Variants in FHIP2A observed in about 807,000 individuals in gnomAD.
The protein encoded by FHIP2A is family with sequence similarity 160 member B1.
In FHIP2A, 46 loss-of-function variants were observed where a neutral mutation model predicts 93.5. The observed-to-expected ratio is 0.49, with a 90% confidence interval of 0.39 to 0.63. The LOEUF is 0.63. Among genes scored for constraint, FHIP2A ranks in the 20% least tolerant of loss-of-function variants. The probability of loss-of-function intolerance (pLI) is 0.00; values close to 1 mark genes in which losing one functional copy is unlikely to be tolerated. For missense variants in FHIP2A, 769 were observed against 909.7 expected, an observed-to-expected ratio of 0.85 and a Z score of 1.99; for synonymous variants, 332 against 326.5, an observed-to-expected ratio of 1.02 and a Z score of -0.18.
Position 114,830,899 on chromosome 10 carries a change from G to A in FHIP2A, c.93G>A (p.Lys31=), listed in dbSNP as rs1380161558. The A allele has an allele frequency of 6.2e-7, 1 of 1,609,532 alleles. No homozygotes were observed. The highest frequency in any genetic ancestry group is 8.5e-7 in the Non-Finnish European group (1 of 1,177,526). The change falls in exon 2 of 17, where the codon AAG becomes AAA. Residue 31 remains lysine, a synonymous_variant. Transcript: ENST00000369248. ...AAGAAGATTTTGTTTATCACTGGAA[G>A]GCAATTACCCATTACTACATAGAGA... ...PLQEDFVYHW[K]AITHYYIETS...
rs972664138 is a variant in FHIP2A, at chr10:114,863,249, G to C, written c.*1709G>C. ...ATGATGTGAAGGCATTCAGTTTGCT[G>C]TATTTTTTTAATCACTTCATACAAG... On this transcript the variant is annotated 3_prime_UTR_variant, in exon 17 of 17. Coordinates refer to ENST00000369248, the MANE Select transcript of FHIP2A (RefSeq NM_020940.4). 10 of 960,556 alleles carry C rather than the reference G, an allele frequency of 1.0e-5. No homozygotes were observed. Among genetic ancestry groups the C allele is most frequent in the Non-Finnish European group, 1.1e-5 (9 of 813,150 alleles). The allele number at this position is 960,556 out of a possible 1,614,324, so 59.5% of individuals were successfully genotyped here.
chr10:114,834,408 T>C (rs916566253), intron 3 of FHIP2A, among the ~76,000 whole-genome samples: 3 of 152,232 alleles, frequency 2.0e-5, no homozygotes, highest in African/African-American at 7.2e-5. Context: ...GTCTAGTAAA[T>C]TTATTTTAAT....
chr10:114,835,160 T>C (rs866194413), intron 3 of FHIP2A, among the ~76,000 whole-genome samples: 7 of 152,146 alleles, frequency 4.6e-5, no homozygotes, highest in Admixed American at 6.6e-5. Context: ...AGTAACAAGA[T>C]TTTGCCTTTG....
chr10:114,846,969 C>A, intron 11 of FHIP2A, 121 bp from the exon 12 acceptor site: 1 of 939,494 alleles, frequency 1.1e-6, no homozygotes, highest in Non-Finnish European at 1.6e-6. Flanking sequence ...ATACATAATT[C>A]CTTAATCCTT....
intron 16 of FHIP2A, among the ~76,000 whole-genome samples, chr10:114,882,637 C>T (rs2083922670): frequency 1.3e-5 from 2 of 152,102 alleles, no homozygotes; most frequent in Non-Finnish European, 2.9e-5. Context: ...CTTTGGGAGG[C>T]CAAGGCAGGC....
At chr10:114,822,407 C>T (rs1592009733) in intron 1 of FHIP2A, among the ~76,000 whole-genome samples, 1 of 152,020 alleles carries the variant, frequency 6.6e-6, no homozygotes, top group African/African-American at 2.4e-5. Context: ...GAGGACCTGG[C>T]CGCCCAACGC....
chr10:114,827,536 G>A (rs1011395923), intron 1 of FHIP2A, among the ~76,000 whole-genome samples: 2 of 152,120 alleles, frequency 1.3e-5, no homozygotes, highest in Non-Finnish European at 2.9e-5. Context: ...GGTGGCTCAC[G>A]CCTGTAATCC....
In FHIP2A at chr10:114,863,706, T is replaced by C; in HGVS notation, c.*2166T>C. On this transcript the variant is annotated 3_prime_UTR_variant, in exon 17 of 17. Coordinates refer to ENST00000369248, the MANE Select transcript of FHIP2A (RefSeq NM_020940.4). ...TGAGTTCAATTTGTTAGTGAAACAT[T>C]GTACTGCATCACCAGTTTTTCTTAC... 1 of 1,301,316 alleles carries C rather than the reference T, an allele frequency of 7.7e-7. No homozygotes were observed. The allele number at this position is 1,301,316 out of a possible 1,614,324, so 80.6% of individuals were successfully genotyped here.
downstream of FHIP2A, among the ~76,000 whole-genome samples, chr10:114,868,643 AC>A (rs2083842608): frequency 6.6e-6 from 1 of 152,112 alleles, no homozygotes; most frequent in South Asian, 2.1e-4. Flanking sequence ...TGAAGGTAAA[AC>A]CCCTAGCAGA....
intron 5 of FHIP2A, among the ~76,000 whole-genome samples, 181 bp from the exon 6 acceptor site, chr10:114,842,752 A>G (rs1175147327): frequency 3.3e-5 from 5 of 152,178 alleles, no homozygotes; most frequent in South Asian, 2.1e-4. Flanking sequence ...ATAAACTCCT[A>G]TGCAATGGTA....
rs1453661467 is a variant in FHIP2A, at chr10:114,843,162, C to T, written c.752C>T (p.Ser251Leu). Residue 251 changes from serine (S) to leucine (L), a missense_variant, in exon 6 of 17, where the codon TCG becomes TTG. Physicochemically the swap from Ser to Leu is moderately radical, Grantham distance 145. Coordinates refer to ENST00000369248, the MANE Select transcript of FHIP2A (RefSeq NM_020940.4). The stretch of plus-strand genomic sequence containing the variant: ...AGTGTCACCTCACTGCCAGAGGCCT[C>T]GGTTGTTTGTCCAAATCAGGATTAC... ...NLSVTSLPEASVVCPNQDYNL... is the reference protein window; with the variant it reads ...NLSVTSLPEALVVCPNQDYNL... The T allele has an allele frequency of 8.7e-6, 14 of 1,613,688 alleles. No individual in the cohort carries two copies. Among genetic ancestry groups the T allele is most frequent in the East Asian group, 6.7e-5 (3 of 44,884 alleles).
Position 114,846,388 on chromosome 10 carries a change from G to T in FHIP2A, c.1398+21G>T, listed in dbSNP as rs554670561. On this transcript the variant is annotated intron_variant, in intron 10 of 16. Coordinates refer to ENST00000369248, the MANE Select transcript of FHIP2A (RefSeq NM_020940.4). ...ATGAGGTAAGCTACGTAATGATTTA[G>T]AATTGGACTTAGATTCTTTGAAATA... is the stretch of plus-strand genomic sequence containing the variant. 4.4e-6 allele frequency: 7 copies of T among 1,593,726 alleles called. No individual in the cohort carries two copies. In the South Asian group the frequency reaches 7.8e-5, roughly 18 times the overall value.
intron 2 of FHIP2A, among the ~76,000 whole-genome samples, chr10:114,832,739 T>C (rs982355729): frequency 6.7e-6 from 1 of 148,318 alleles, no homozygotes; most frequent in Non-Finnish European, 1.5e-5. Context: ...TGAGATGGTG[T>C]CCCTCTCTGT....
chr10:114,824,737 C>T (rs1364099152), intron 1 of FHIP2A, among the ~76,000 whole-genome samples: 1 of 152,108 alleles, frequency 6.6e-6, no homozygotes. Context: ...TGATATTTTC[C>T]TCTATGAACC....
At chr10:114,868,367 C>G (rs2083840982), downstream of FHIP2A, among the ~76,000 whole-genome samples, 1 of 152,088 alleles carries the variant, frequency 6.6e-6, no homozygotes, top group Non-Finnish European at 1.5e-5. Flanking sequence ...AGGTTGTACG[C>G]TCCTTATAAA....
chr10:114,843,103 G>A lies in FHIP2A; in HGVS notation c.693G>A (p.Gln231=). The A allele has an allele frequency of 1.2e-6, 2 of 1,614,076 alleles. No individual in the cohort carries two copies. Among genetic ancestry groups the A allele is most frequent in the African/African-American group, 1.3e-5 (1 of 75,024 alleles). The part of the protein sequence containing the change: ...QTELEDEPPH[Q]MDHLSTSLDN... ...AATTGGAAGATGAGCCTCCTCATCA[G>A]ATGGATCACCTGTCCACAAGCTTGG... The change falls in exon 6 of 17, where the codon CAG becomes CAA. Residue 231 remains glutamine, a synonymous_variant. Transcript: ENST00000369248.
intron 13 of FHIP2A, among the ~76,000 whole-genome samples, chr10:114,850,551 T>C (rs1463871867): frequency 6.9e-6 from 1 of 144,934 alleles, no homozygotes; most frequent in Non-Finnish European, 1.5e-5. Flanking sequence ...TTTAAAAAAA[T>C]TATCCGTGTG....
intron 5 of FHIP2A, among the ~76,000 whole-genome samples, chr10:114,837,722 AG>A (rs1418272554): frequency 6.6e-6 from 1 of 152,132 alleles, no homozygotes; most frequent in Non-Finnish European, 1.5e-5. Context: ...CCTACGCCCT[AG>A]CAGTCACTGA....
At chr10:114,858,896 T>C (rs1261614385) in intron 14 of FHIP2A, among the ~76,000 whole-genome samples, 1 of 152,112 alleles carries the variant, frequency 6.6e-6, no homozygotes, top group Non-Finnish European at 1.5e-5. Flanking sequence ...AAAAGATAAA[T>C]GCTGGAGGTG....
Sources: allele counts gnomAD v4.1 joint callset (sites outside exome capture counted in the v4.1 genomes callset), GRCh38; gene constraint gnomAD v4.1.1; transcripts MANE v1.5; gene names NCBI Gene and HGNC (gene_info 2026-07-23, HGNC 2026-07-21).